Variants in CA10 observed in about 807,000 individuals in gnomAD.
CA10 encodes the protein carbonic anhydrase-related protein 10.
Under a neutral mutation model 44.2 loss-of-function variants are expected in CA10, and 14 were observed. The observed-to-expected ratio is 0.32, with a 90% CI of 0.21 to 0.50. CA10 has a LOEUF of 0.50. Among genes scored for constraint, CA10 ranks in the 20% least tolerant of loss-of-function variants. The pLI is 0.99. For synonymous variants in CA10, 159 were observed against 141.6 expected, an observed-to-expected ratio of 1.12 and a Z score of -0.87; for missense variants, 350 against 409.7, an observed-to-expected ratio of 0.85 and a Z score of 1.26.
chr17:51,724,078 G>A (rs1268349138), intron 4 of CA10, among the ~76,000 whole-genome samples: 1 of 152,126 alleles, frequency 6.6e-6, no homozygotes, highest in East Asian at 1.9e-4. Context: ...TTTTGAGGGG[G>A]CTGGAGAGGA....
At chr17:51,921,025 G>A (rs1982209982) in intron 3 of CA10, among the ~76,000 whole-genome samples, 1 of 152,178 alleles carries the variant, frequency 6.6e-6, no homozygotes, top group Non-Finnish European at 1.5e-5. Context: ...AATTTTGATA[G>A]TGGTTAATAA....
At chr17:51,970,450 A>G (rs914178523) in intron 2 of CA10, among the ~76,000 whole-genome samples, 4 of 152,124 alleles carry the variant, frequency 2.6e-5, no homozygotes, top group Non-Finnish European at 5.9e-5. Flanking sequence ...AATCGGAATT[A>G]AAAGCTACTA....
At chr17:52,131,040 C>A (rs563247988) in intron 1 of CA10, among the ~76,000 whole-genome samples, 2 of 151,812 alleles carry the variant, frequency 1.3e-5, no homozygotes, top group African/African-American at 4.8e-5. Flanking sequence ...ATCTATCCCA[C>A]AATGTATACA....
rs191409804 is a variant in CA10 at position 52,151,311 on chromosome 17, A to T, written c.61+6415T>A. Among the ~76,000 whole-genome samples the T allele has an allele frequency of 3.0e-3, 462 of 152,218 alleles. 1 individual carries two copies. Among genetic ancestry groups the T allele is most frequent in the African/African-American group, 0.01 (431 of 41,558 alleles). On this transcript the variant is annotated intron_variant, in intron 1 of 8. Coordinates refer to ENST00000451037, the MANE Select transcript of CA10 (RefSeq NM_020178.5). ...CATACTTTGATATTTTGTTTTTTAA[A>T]TATCTTCTTGTCTATGAACATACTA...
chr17:51,810,167 A>T (rs1907303065), intron 3 of CA10, among the ~76,000 whole-genome samples: 1 of 152,208 alleles, frequency 6.6e-6, no homozygotes, highest in Non-Finnish European at 1.5e-5. Flanking sequence ...AACATTGGTT[A>T]TGTTTCTCAG....
At chr17:51,996,717 G>A (rs1985249714) in intron 2 of CA10, among the ~76,000 whole-genome samples, 1 of 151,918 alleles carries the variant, frequency 6.6e-6, no homozygotes, top group African/African-American at 2.4e-5. Flanking sequence ...TGCTTATTCA[G>A]TTGATCAGAA....
chr17:51,839,042 C>T (rs1187607370), intron 3 of CA10, among the ~76,000 whole-genome samples: 14 of 152,206 alleles, frequency 9.2e-5, no homozygotes, highest in Admixed American at 8.5e-4. Flanking sequence ...TAGCACAAGG[C>T]AGGCACTACA....
At chr17:51,788,753 A>G (rs532452730) in intron 3 of CA10, among the ~76,000 whole-genome samples, 2 of 152,330 alleles carry the variant, frequency 1.3e-5, no homozygotes, top group African/African-American at 4.8e-5. Flanking sequence ...CAGCTTTGGA[A>G]GTGAATAGAC....
chr17:51,809,560 A>G (rs1045073974), intron 3 of CA10, among the ~76,000 whole-genome samples: 1 of 152,228 alleles, frequency 6.6e-6, no homozygotes, highest in Non-Finnish European at 1.5e-5. Flanking sequence ...TAGCACATCC[A>G]GCAGCTTCTC....
chr17:52,000,822 TAA>T (rs1382706195), intron 2 of CA10, among the ~76,000 whole-genome samples: 1 of 147,074 alleles, frequency 6.8e-6, no homozygotes, highest in Non-Finnish European at 1.5e-5. Context: ...GTTCAAATAT[TAA>T]GAGAGGTTAA....
intron 1 of CA10, among the ~76,000 whole-genome samples, chr17:52,145,635 C>T (rs1294073401): frequency 1.3e-5 from 2 of 152,166 alleles, no homozygotes; most frequent in African/African-American, 4.8e-5. Flanking sequence ...AGTTTCCTGT[C>T]TCTGATCTAA....
rs1978658578 is a variant in CA10 at position 51,849,207 on chromosome 17, A to ATATATATATATATG, written c.279+81782_279+81783insCATATATATATATA. Among the ~76,000 whole-genome samples the ATATATATATATATG allele has an allele frequency of 4.9e-5, 2 of 40,782 alleles. 1 individual carries two copies. Among genetic ancestry groups the ATATATATATATATG allele is most frequent in the Non-Finnish European group, 8.1e-5 (2 of 24,726 alleles). The allele number at this position is 40,782 out of a possible 152,430, so 26.8% of individuals were successfully genotyped here. Reference sequence around the variant, plus strand: ...TGTATATATATATATACATATATGTATATATATATATACATATATGTGTGT... The same window carrying ATATATATATATATG: ...TGTATATATATATATACATATATGTATATATATATATATGTATATATATATACATATATGTGTGT... On this transcript the variant is annotated intron_variant, in intron 3 of 8. Transcript: ENST00000451037.
intron 2 of CA10, among the ~76,000 whole-genome samples, chr17:51,995,781 A>T (rs1021557405): frequency 3.9e-5 from 6 of 152,044 alleles, no homozygotes; most frequent in Non-Finnish European, 7.4e-5. Flanking sequence ...CTTGCTTTCA[A>T]ACTTTTCCAG....
chr17:52,035,470 G>A (rs1986589961), intron 2 of CA10, among the ~76,000 whole-genome samples: 2 of 152,078 alleles, frequency 1.3e-5, no homozygotes, highest in South Asian at 2.1e-4. Context: ...TGCTGTACAA[G>A]AGCCCAAGAG....
intron 4 of CA10, among the ~76,000 whole-genome samples, chr17:51,717,723 A>ATATG (rs1598006369): frequency 1.9e-5 from 1 of 51,942 alleles, no homozygotes; most frequent in African/African-American, 7.0e-5. Flanking sequence ...ATATACGTAT[A>ATATG]TATACATATA....
chr17:51,989,026 C>G (rs1940530618), intron 2 of CA10, among the ~76,000 whole-genome samples: 1 of 151,802 alleles, frequency 6.6e-6, no homozygotes, highest in African/African-American at 2.4e-5. Context: ...CCATATTGGA[C>G]AGTGTGTTCT....
chr17:51,871,143 C>G (rs1043059557), intron 3 of CA10, among the ~76,000 whole-genome samples: 3 of 143,468 alleles, frequency 2.1e-5, no homozygotes, highest in Non-Finnish European at 4.5e-5. Flanking sequence ...ACTGCAACCT[C>G]TGCTTCCTGG....
At chr17:51,925,069 T>G (rs1982371695) in intron 3 of CA10, among the ~76,000 whole-genome samples, 1 of 152,124 alleles carries the variant, frequency 6.6e-6, no homozygotes, top group Admixed American at 6.6e-5. Context: ...TGTCTCTCTT[T>G]TTAAAGATGG....
intron 6 of CA10, among the ~76,000 whole-genome samples, chr17:51,646,768 G>T (rs1913356366): frequency 6.6e-6 from 1 of 152,170 alleles, no homozygotes; most frequent in African/African-American, 2.4e-5. Flanking sequence ...GTGGTTTTCT[G>T]CTGCGCAAAT....
Sources: allele counts gnomAD v4.1 joint callset (sites outside exome capture counted in the v4.1 genomes callset), GRCh38; gene constraint gnomAD v4.1.1; transcripts MANE v1.5; gene names NCBI Gene and HGNC (gene_info 2026-07-23, HGNC 2026-07-21).